Variants in HP1BP3 observed in about 807,000 individuals in gnomAD.
HP1BP3 encodes heterochromatin protein 1 binding protein 3.
In HP1BP3, 12 loss-of-function variants were observed where a neutral mutation model predicts 62.5. The ratio of observed to expected loss-of-function variants is 0.19; its 90% CI spans 0.12 to 0.31. The LOEUF (loss-of-function observed/expected upper bound fraction) is 0.31. Among genes scored for constraint, HP1BP3 ranks in the 10% least tolerant of loss-of-function variants. HP1BP3 has a pLI of 1.00. For synonymous variants in HP1BP3, 260 were observed against 237.8 expected (o/e 1.09, Z -0.86); for missense variants, 502 against 651.8 (o/e 0.77, Z 2.50).
chr1:20,785,601 G>A (rs1216586656), intron 1 of HP1BP3, among the ~76,000 whole-genome samples: 1 of 152,104 alleles, frequency 6.6e-6, no homozygotes, highest in Non-Finnish European at 1.5e-5. Flanking sequence ...TCTGTTTTGG[G>A]CATAGATACT....
intron 9 of HP1BP3, among the ~76,000 whole-genome samples, chr1:20,756,417 T>C (rs1418630037): frequency 6.7e-6 from 1 of 150,058 alleles, no homozygotes; most frequent in Admixed American, 6.7e-5. Flanking sequence ...AAAAAAAAAA[T>C]TGGGGAAGAC....
chr1:20,757,702 G>A (rs1202094883), intron 8 of HP1BP3, among the ~76,000 whole-genome samples: 4 of 151,984 alleles, frequency 2.6e-5, no homozygotes, highest in African/African-American at 4.8e-5. Flanking sequence ...GACTTCTAAC[G>A]CTGTATGACA....
At chr1:20,748,649 A>C (rs2055499424) in intron 10 of HP1BP3, among the ~76,000 whole-genome samples, 1 of 152,048 alleles carries the variant, frequency 6.6e-6, no homozygotes, top group African/African-American at 2.4e-5. Context: ...AGTCCCAGCT[A>C]CTCAGGGGGT....
At chr1:20,776,341 C>T in intron 4 of HP1BP3, 1 of 428,302 alleles carries the variant, frequency 2.3e-6, no homozygotes, top group Non-Finnish European at 4.1e-6. Context: ...CAATAAATTA[C>T]AAGCTCAAAA....
chr1:20,782,414 T>TAA (rs1002776442), intron 1 of HP1BP3, among the ~76,000 whole-genome samples: 1 of 143,890 alleles, frequency 6.9e-6, no homozygotes, highest in African/African-American at 2.6e-5. Context: ...ACGTTGTCTC[T>TAA]AAAAAAAAAA....
chr1:20,762,106 C>T (rs1014300672), intron 8 of HP1BP3, among the ~76,000 whole-genome samples: 2 of 152,102 alleles, frequency 1.3e-5, no homozygotes, highest in African/African-American at 4.8e-5. Context: ...TTTGTTTGGC[C>T]AAGCAAGAAT....
At position 20,747,457 on chromosome 1, in the gene HP1BP3, A is replaced by T. The variant is rs188511099; in HGVS notation, c.1253+87T>A. ...GGACGACTGTATTTCCAGTTCACTA[A>T]AACAGTAATAAGGGTAAAATAAATT... On this transcript the variant is annotated intron_variant, in intron 11 of 12. Coordinates refer to ENST00000438032, the MANE Select transcript of HP1BP3 (RefSeq NM_001372052.1). 143 of 862,952 alleles carry T rather than the reference A, an allele frequency of 1.7e-4. No individual in the cohort carries two copies. In the African/African-American group the frequency reaches 2.3e-3, roughly 14 times the overall value. The allele number at this position is 862,952 out of a possible 1,614,324, so 53.5% of individuals were successfully genotyped here. A position where few individuals can be genotyped will look rare whatever the true frequency, so the allele number is the denominator to read the frequency against.
rs745940811 is a variant in HP1BP3 at position 20,757,207 on chromosome 1, A to T, written c.940T>A (p.Leu314Ile). The change falls in exon 9 of 13, where the codon TTA (leucine) becomes ATA (isoleucine). Residue 314 changes from leucine to isoleucine, a missense_variant. Coordinates refer to ENST00000438032, the MANE Select transcript of HP1BP3 (RefSeq NM_001372052.1). ...ALQRAVERGQLEQITGKGASG... is the reference protein window; with the variant it reads ...ALQRAVERGQIEQITGKGASG... ...GCACCTTTGCCAGTTATCTGTTCTA[A>T]CTGGCCCCTCTCTACTGCTCTCTGC... is the stretch of plus-strand genomic sequence containing the variant. The T allele has an allele frequency of 1.9e-6, 3 of 1,613,300 alleles. No individual in the cohort carries two copies.
At chr1:20,765,081 A>C (rs1159524753) in intron 8 of HP1BP3, among the ~76,000 whole-genome samples, 29 of 150,878 alleles carry the variant, frequency 1.9e-4, no homozygotes, top group Non-Finnish European at 2.8e-4. Context: ...AGGCAGGAGA[A>C]TCCTTTGAAC....
chr1:20,767,497 G>A (rs370374065), intron 7 of HP1BP3, 87 bp downstream of exon 7: 1 of 895,868 alleles, frequency 1.1e-6, no homozygotes, highest in African/African-American at 1.7e-5. Flanking sequence ...CATAGTGCCA[G>A]GCACACAGCA....
At position 20,743,070 on chromosome 1, in the gene HP1BP3, A is replaced by G. The variant is rs2055129165; in HGVS notation, c.*1727T>C. 1 of 152,470 alleles carries G rather than the reference A, an allele frequency of 6.6e-6. No homozygotes were observed. Among genetic ancestry groups the G allele is most frequent in the South Asian group, 2.1e-4 (1 of 4,828 alleles). The allele number at this position is 152,470 out of a possible 1,614,324, so 9.4% of individuals were successfully genotyped here. ...ACACAACTTCACAATACTAAAACAAATACAAATAAGAAAGGGTTAGGTAGT... is the reference window on the plus strand; with the variant it reads ...ACACAACTTCACAATACTAAAACAAGTACAAATAAGAAAGGGTTAGGTAGT... On this transcript the variant is annotated 3_prime_UTR_variant, in exon 13 of 13. Transcript: ENST00000438032.
intron 8 of HP1BP3, among the ~76,000 whole-genome samples, chr1:20,763,739 CA>C (rs2056614313): frequency 6.6e-6 from 1 of 152,134 alleles, no homozygotes; most frequent in South Asian, 2.1e-4. Context: ...CGTTAAATGG[CA>C]AATTTTACGT....
At chr1:20,762,622 TA>T (rs1448816058) in intron 8 of HP1BP3, among the ~76,000 whole-genome samples, 2 of 152,216 alleles carry the variant, frequency 1.3e-5, no homozygotes, top group Non-Finnish European at 2.9e-5. Context: ...TTGAAAAAGC[TA>T]ATCAGAAACT....
rs1408314567 is a variant in HP1BP3 at position 20,776,194 on chromosome 1, A to G, written c.350+403T>C. ...TTGATACAAATCAATGCCTTCTAACATAAGCACACAAAAACAACCCACTCC... is the reference window on the plus strand; with the variant it reads ...TTGATACAAATCAATGCCTTCTAACGTAAGCACACAAAAACAACCCACTCC... On this transcript the variant is annotated intron_variant, in intron 4 of 12. Coordinates refer to ENST00000438032, the MANE Select transcript of HP1BP3 (RefSeq NM_001372052.1). 7.8e-6 allele frequency: 4 copies of G among 512,312 alleles called. No individual in the cohort carries two copies. The East Asian group carries it at 9.7e-5, about 12-fold the overall frequency. 31.7% of individuals were successfully genotyped at this position (512,312 alleles called of 1,614,324 possible).
rs1229150151 is a variant in HP1BP3 at position 20,742,172 on chromosome 1, A to T, written c.*2625T>A. Among the ~76,000 whole-genome samples the T allele has an allele frequency of 6.6e-6, 1 of 152,222 alleles. No individual in the cohort carries two copies. Among genetic ancestry groups the T allele is most frequent in the Non-Finnish European group, 1.5e-5 (1 of 68,038 alleles). On this transcript the variant is annotated 3_prime_UTR_variant, in exon 13 of 13. Transcript: ENST00000438032. ...AAGTCTCTTTAAAAGCAGTATCATA[A>T]AGCAAAGAAACCAACCAAAATCTCC...
chr1:20,773,834 G>A (rs187700707), intron 4 of HP1BP3: 77 of 362,848 alleles, frequency 2.1e-4, no homozygotes, highest in Admixed American at 4.9e-4. Flanking sequence ...CAGGAGAAAG[G>A]AGTCACATAA....
chr1:20,747,267 CT>C (rs892379575), intron 11 of HP1BP3, among the ~76,000 whole-genome samples: 476 of 149,812 alleles, frequency 3.2e-3, no homozygotes, highest in African/African-American at 0.011. Flanking sequence ...TATATGTGGA[CT>C]TTTTTTTTTC....
intron 9 of HP1BP3, chr1:20,755,385 A>G (rs1014990700): frequency 1.3e-5 from 6 of 453,232 alleles, no homozygotes; most frequent in African/African-American, 1.0e-4. Flanking sequence ...TAGCCTGGGC[A>G]ACACGGCGAA....
At chr1:20,770,535 G>C (rs975779166) in intron 6 of HP1BP3, among the ~76,000 whole-genome samples, 2 of 152,048 alleles carry the variant, frequency 1.3e-5, no homozygotes, top group Non-Finnish European at 2.9e-5. Context: ...GGCTGGTCTC[G>C]AACTCCTGGG....
Sources: gnomAD v4.1 joint callset for allele counts (sites outside exome capture counted in the v4.1 genomes callset) on GRCh38, gnomAD v4.1.1 for gene constraint, MANE v1.5 for transcripts, NCBI Gene and HGNC (gene_info 2026-07-23, HGNC 2026-07-21) for gene names.